TASOR: variants seen among roughly 807,000 people sequenced by gnomAD.
TASOR encodes transcription activation suppressor, also known as protein TASOR.
In TASOR, 53 loss-of-function variants were observed where a neutral mutation model predicts 178.6. That is an observed-to-expected ratio of 0.30 (90% CI 0.24 to 0.37). The LOEUF (loss-of-function observed/expected upper bound fraction) is 0.37, where lower values mean the gene tolerates loss of function less well. Among genes scored for constraint, TASOR ranks in the 10% least tolerant of loss-of-function variants. The probability of loss-of-function intolerance (pLI) is 1.00; values close to 1 mark genes in which losing one functional copy is unlikely to be tolerated. For synonymous variants in TASOR, 713 were observed against 696.2 expected (o/e 1.02, Z -0.38); for missense variants, 1,815 against 1,971.4 (o/e 0.92, Z 1.50).
In TASOR at chr3:56,624,607, T is replaced by C. The variant is rs2076758926; in HGVS notation, c.4355A>G (p.Asn1452Ser). ...NIKMLSSYTD[N>S]GIVVATAEDF... ...TTCAGCAGTTGCAACCACTATTCCA[T>C]TATCTGTATAACTGGAAAGCATCTT... The change falls in exon 23 of 24, where the codon AAT becomes AGT. Residue 1452 changes from asparagine (N) to serine (S), a missense_variant. Transcript: ENST00000683822. 4 of 1,613,878 alleles carry C rather than the reference T, an allele frequency of 2.5e-6. No homozygotes were observed. In the South Asian group the frequency reaches 4.4e-5, roughly 18 times the overall value.
rs978199856 is a variant in TASOR, at chr3:56,669,712, A to T, written c.723T>A (p.Phe241Leu). 3 of 1,541,112 alleles carry T rather than the reference A, an allele frequency of 1.9e-6. No homozygotes were observed. In the African/African-American group the frequency reaches 4.1e-5, roughly 21 times the overall value. Residue 241 changes from phenylalanine (F) to leucine (L), a missense_variant, in exon 5 of 24, where the codon TTT (phenylalanine) becomes TTA (leucine). Physicochemically the swap from Phe to Leu is conservative, Grantham distance 22. This residue lies in a region of TASOR where 504 missense variants were observed against 645.3 expected (regional missense o/e 0.78). Transcript: ENST00000683822. Reference protein sequence around the residue: ...DTGAMGDVVIFKIMKGKIKSI... With the variant: ...DTGAMGDVVILKIMKGKIKSI... ...AAGTTTAAATTACCTTCATTATTTT[A>T]AAAATAACAACATCACCCATTGCCC... is the stretch of plus-strand genomic sequence containing the variant.
At chr3:56,663,771 G>A (rs1412541742) in intron 7 of TASOR, 199 bp from the exon 8 acceptor site, 9 of 1,028,896 alleles carry the variant, frequency 8.7e-6, no homozygotes, top group Non-Finnish European at 7.0e-6. Context: ...TACTTACTTC[G>A]CTCAAATTAC....
In TASOR at chr3:56,621,659, C is replaced by A; in HGVS notation, c.*1378G>T. 1 of 1,389,080 alleles carries A rather than the reference C, an allele frequency of 7.2e-7. No homozygotes were observed. The highest frequency in any genetic ancestry group is 1.0e-6 in the Non-Finnish European group (1 of 997,146). The allele number at this position is 1,389,080 out of a possible 1,614,324, so 86.0% of individuals were successfully genotyped here. On this transcript the variant is annotated 3_prime_UTR_variant, in exon 24 of 24. Coordinates refer to ENST00000683822, the MANE Select transcript of TASOR (RefSeq NM_001365635.2). ...TCCTTCACATTTGATTTGTGTCTTCCAAATTATAAAATGTGCTCACTGGCT... is the reference window on the plus strand; with the variant it reads ...TCCTTCACATTTGATTTGTGTCTTCAAAATTATAAAATGTGCTCACTGGCT...
chr3:56,665,947 G>A (rs560222900), intron 7 of TASOR, among the ~76,000 whole-genome samples: 1 of 152,108 alleles, frequency 6.6e-6, no homozygotes, highest in South Asian at 2.1e-4. Context: ...CCAGCCTGGG[G>A]GACAGAGAGA....
At chr3:56,665,732 G>C (rs2077695204) in intron 7 of TASOR, among the ~76,000 whole-genome samples, 1 of 152,016 alleles carries the variant, frequency 6.6e-6, no homozygotes, top group Non-Finnish European at 1.5e-5. Flanking sequence ...AGCACTTTGG[G>C]AGGTCGAGGC....
chr3:56,660,738 T>C lies in TASOR; in HGVS notation c.1361A>G (p.Glu454Gly). 6.2e-7 allele frequency: 1 copy of C among 1,610,976 alleles called. No individual in the cohort carries two copies. Among genetic ancestry groups the C allele is most frequent in the Non-Finnish European group, 8.5e-7 (1 of 1,179,104 alleles). The change falls in exon 11 of 24, where the codon GAA becomes GGA. Residue 454 changes from glutamate to glycine, a missense_variant. By Grantham distance (98) the Glu-to-Gly change is moderately conservative. Transcript: ENST00000683822. ...MESLLQKLDR[E>G]KLVLVKPLGD... ...AAAAAACTTTTCACTCACAAGTTTT[T>C]CTCTGTCTAGTTTTTGCAGTAAACT...
chr3:56,624,997 A>C lies in TASOR; in HGVS notation c.4149T>G (p.Ala1383=), dbSNP rs1559811543. ...KKLKELGRLN[A]KALSLLTLLN... ...GAAGCGTCAACAGACTTAGAGCTTTAGCATTCAATCTGTGAAATTAAGCAG... is the reference window on the plus strand; with the variant it reads ...GAAGCGTCAACAGACTTAGAGCTTTCGCATTCAATCTGTGAAATTAAGCAG... Residue 1383 remains alanine, a synonymous_variant, in exon 22 of 24, where the codon GCT becomes GCG. Coordinates refer to ENST00000683822, the MANE Select transcript of TASOR (RefSeq NM_001365635.2). 6.2e-7 allele frequency: 1 copy of C among 1,613,722 alleles called. No homozygotes were observed. Among genetic ancestry groups the C allele is most frequent in the Non-Finnish European group, 8.5e-7 (1 of 1,179,908 alleles).
intron 7 of TASOR, among the ~76,000 whole-genome samples, chr3:56,664,804 CT>C (rs2077672218): frequency 6.6e-6 from 1 of 152,154 alleles, no homozygotes; most frequent in South Asian, 2.1e-4. Flanking sequence ...ATGGTAACTG[CT>C]TCCTATTTGG....
intron 5 of TASOR, 139 bp from the exon 6 acceptor site, chr3:56,668,697 G>A: frequency 5.8e-6 from 4 of 687,886 alleles, no homozygotes; most frequent in Non-Finnish European, 9.2e-6. Flanking sequence ...AGAACAGCTG[G>A]GCGCGGTGAC....
At chr3:56,668,287 C>G in intron 6 of TASOR, 110 bp downstream of exon 6, 2 of 1,004,578 alleles carry the variant, frequency 2.0e-6, no homozygotes, top group Non-Finnish European at 2.9e-6. Context: ...ATGCAGACAC[C>G]AGAGTCTAGA....
intron 18 of TASOR, among the ~76,000 whole-genome samples, chr3:56,631,940 A>G (rs2076924437): frequency 6.6e-6 from 1 of 152,194 alleles, no homozygotes; most frequent in Admixed American, 6.5e-5. Context: ...TTCGGTAGAA[A>G]AAATACACCT....
At chr3:56,635,964 C>T (rs999794838) in intron 17 of TASOR, among the ~76,000 whole-genome samples, 2 of 152,038 alleles carry the variant, frequency 1.3e-5, no homozygotes, top group Non-Finnish European at 2.9e-5. Context: ...TATAAATAAT[C>T]ACAACCTAAT....
intron 1 of TASOR, among the ~76,000 whole-genome samples, chr3:56,681,294 T>C (rs2031765063): frequency 6.6e-6 from 1 of 152,206 alleles, no homozygotes; most frequent in Admixed American, 6.5e-5. Flanking sequence ...ACTATAATCA[T>C]ACATCTCAAA....
chr3:56,682,950 A>C lies in TASOR; in HGVS notation c.57T>G (p.Ser19Arg). Residue 19 changes from serine to arginine, a missense_variant, in exon 1 of 24, where the codon AGT (serine) becomes AGG (arginine). Ser to Arg is a moderately radical substitution (Grantham distance 110). This residue lies in a region of TASOR where 244 missense variants were observed against 202.7 expected (regional missense o/e 1.20). Transcript: ENST00000683822. ...ACQPTDASWE[S>R]GGGGDDEMKQ... is the part of the protein sequence containing the mutation. ...TCATCTCGTCGTCTCCGCCGCCGCCACTTTCCCAACTCGCATCCGTCGGCT... is the reference window on the plus strand; with the variant it reads ...TCATCTCGTCGTCTCCGCCGCCGCCCCTTTCCCAACTCGCATCCGTCGGCT... 3.9e-6 allele frequency: 6 copies of C among 1,549,520 alleles called. No individual in the cohort carries two copies. The highest frequency in any genetic ancestry group is 5.2e-6 in the Non-Finnish European group (6 of 1,146,452).
intron 14 of TASOR, among the ~76,000 whole-genome samples, chr3:56,643,329 G>A (rs1489814751): frequency 1.3e-5 from 2 of 151,938 alleles, no homozygotes; most frequent in African/African-American, 4.8e-5. Context: ...ATCATACTGT[G>A]TGCTTAAATA....
intron 11 of TASOR, among the ~76,000 whole-genome samples, chr3:56,653,608 C>T (rs1392004766): frequency 6.6e-6 from 1 of 152,044 alleles, no homozygotes; most frequent in Non-Finnish European, 1.5e-5. Context: ...GAATTGTGTA[C>T]CCAGCACCCA....
Position 56,624,808 on chromosome 3 carries a change from C to G in TASOR, c.4318+20G>C. 6.2e-7 allele frequency: 1 copy of G among 1,612,326 alleles called. No homozygotes were observed. The highest frequency in any genetic ancestry group is 8.5e-7 in the Non-Finnish European group (1 of 1,178,948). On this transcript the variant is annotated intron_variant, in intron 22 of 23. Coordinates refer to ENST00000683822, the MANE Select transcript of TASOR (RefSeq NM_001365635.2). ...ACATTCCTATATTCATAGTAGAAAG[C>G]TTAGGAGTGCTCTCTTTACCTGTTA...
At chr3:56,675,404 T>C (rs894799263) in intron 1 of TASOR, among the ~76,000 whole-genome samples, 2 of 151,072 alleles carry the variant, frequency 1.3e-5, no homozygotes, top group Non-Finnish European at 2.9e-5. Context: ...CTCGAACCCC[T>C]GACCTCAGGT....
intron 19 of TASOR, 127 bp from the exon 20 acceptor site, chr3:56,627,868 T>A: frequency 2.6e-6 from 2 of 760,112 alleles, no homozygotes; most frequent in Non-Finnish European, 4.2e-6. Context: ...GGATTACCTC[T>A]GGAAAGCCAC....
Sources: allele counts gnomAD v4.1 joint callset (sites outside exome capture counted in the v4.1 genomes callset), GRCh38; gene constraint gnomAD v4.1.1; regional missense constraint gnomAD v4.1.1; transcripts MANE v1.5; gene names NCBI Gene and HGNC (gene_info 2026-07-23, HGNC 2026-07-21).